The following TBX5 variants were observed in gnomAD, a reference collection of about 807,000 sequenced individuals.
TBX5 encodes T-box transcription factor 5.
Under a neutral mutation model 51.1 loss-of-function variants are expected in TBX5, and 8 were observed. The ratio of observed to expected loss-of-function variants is 0.16; its 90% CI spans 0.09 to 0.28. The LOEUF is 0.28. TBX5 is among the 10% of genes least tolerant of loss of function. TBX5 has a pLI of 1.00. For missense variants in TBX5, 589 were observed against 671.7 expected (o/e 0.88, Z 1.36); for synonymous variants, 302 against 266.4 (o/e 1.13, Z -1.30).
intron 6 of TBX5, among the ~76,000 whole-genome samples, chr12:114,389,831 C>T (rs1318179263): frequency 6.7e-6 from 1 of 150,048 alleles, no homozygotes; most frequent in Non-Finnish European, 1.5e-5. Context: ...CCAGCCTGCC[C>T]CACCGCAGTC....
At chr12:114,404,199 G>A (rs1293087858) in intron 1 of TBX5, among the ~76,000 whole-genome samples, 1 of 152,102 alleles carries the variant, frequency 6.6e-6, no homozygotes, top group Non-Finnish European at 1.5e-5. Context: ...AGAAGGTGAG[G>A]CCCGCATCTC....
upstream of TBX5, chr12:114,408,308 A>G (rs1872356620): frequency 1.3e-6 from 1 of 767,920 alleles, no homozygotes; most frequent in Non-Finnish European, 1.6e-6. Flanking sequence ...AGACACAAAT[A>G]GAGCCAAGAT....
chr12:114,393,952 G>A (rs1871286770), intron 6 of TBX5, among the ~76,000 whole-genome samples: 1 of 152,170 alleles, frequency 6.6e-6, no homozygotes, highest in South Asian at 2.1e-4. Context: ...AACAATTAGG[G>A]AAGCATCAGG....
intron 7 of TBX5, among the ~76,000 whole-genome samples, chr12:114,376,470 G>C (rs1245330618): frequency 2.0e-5 from 3 of 152,118 alleles, no homozygotes; most frequent in Non-Finnish European, 4.4e-5. Context: ...GAGGAGAATG[G>C]TGGTTGCCAG....
At chr12:114,371,588 T>G (rs1018800591) in intron 7 of TBX5, among the ~76,000 whole-genome samples, 15 of 89,678 alleles carry the variant, frequency 1.7e-4, no homozygotes, top group East Asian at 8.4e-4. Flanking sequence ...GATTTTTGTG[T>G]TTTTTTTTTT....
chr12:114,377,415 G>A (rs1870252748), intron 7 of TBX5, among the ~76,000 whole-genome samples: 1 of 152,080 alleles, frequency 6.6e-6, no homozygotes, highest in African/African-American at 2.4e-5. Flanking sequence ...AATTGAGACA[G>A]CATTTTGCTC....
intron 7 of TBX5, among the ~76,000 whole-genome samples, chr12:114,377,642 C>T (rs1053275863): frequency 6.6e-6 from 1 of 150,396 alleles, no homozygotes; most frequent in Non-Finnish European, 1.5e-5. Context: ...TCTCAAACTC[C>T]TGATCTCAAG....
chr12:114,375,661 A>G (rs1486465094), intron 7 of TBX5, among the ~76,000 whole-genome samples: 1 of 152,210 alleles, frequency 6.6e-6, no homozygotes, highest in African/African-American at 2.4e-5. Context: ...GGATGTGGAG[A>G]AAAAGGAATC....
intron 7 of TBX5, among the ~76,000 whole-genome samples, chr12:114,373,615 T>C (rs11067086): frequency 6.6e-6 from 1 of 152,114 alleles, no homozygotes; most frequent in Non-Finnish European, 1.5e-5. Flanking sequence ...CCCACCATCA[T>C]GCCCAGCTAA....
At chr12:114,382,620 G>A (rs1478306152) in intron 7 of TBX5, among the ~76,000 whole-genome samples, 1 of 152,038 alleles carries the variant, frequency 6.6e-6, no homozygotes, top group Non-Finnish European at 1.5e-5. Flanking sequence ...CCAACATGGT[G>A]AACTCCGTCT....
intron 2 of TBX5, among the ~76,000 whole-genome samples, chr12:114,403,264 G>T (rs1871950210): frequency 6.6e-6 from 1 of 152,088 alleles, no homozygotes; most frequent in Non-Finnish European, 1.5e-5. Context: ...AGTCGGCGGC[G>T]CGGAGGAGGC....
chr12:114,365,840 A>AG (rs979733729), intron 8 of TBX5, among the ~76,000 whole-genome samples: 11 of 151,216 alleles, frequency 7.3e-5, no homozygotes, highest in Middle Eastern at 3.4e-3. Context: ...AAAAAAAAAA[A>AG]AAAAAGAAAA....
Position 114,403,899 on chromosome 12 carries a change from G to A in TBX5, c.-1C>T. 1.2e-6 allele frequency: 2 copies of A among 1,611,648 alleles called. No homozygotes were observed. Among genetic ancestry groups the A allele is most frequent in the Non-Finnish European group, 1.7e-6 (2 of 1,179,826 alleles). On this transcript the variant is annotated 5_prime_UTR_variant, in exon 2 of 9. Transcript: ENST00000405440. ...CAAAGCCCTCGTCTGCGTCGGCCATGGTGCGCCCAGGGCCCTGTGCCCGCG... is the reference window on the plus strand; with the variant it reads ...CAAAGCCCTCGTCTGCGTCGGCCATAGTGCGCCCAGGGCCCTGTGCCCGCG...
At chr12:114,381,242 C>T (rs1173239661) in intron 7 of TBX5, among the ~76,000 whole-genome samples, 3 of 152,188 alleles carry the variant, frequency 2.0e-5, no homozygotes, top group Non-Finnish European at 4.4e-5. Context: ...TCTCTGTAAT[C>T]CCACCTCACT....
intron 7 of TBX5, among the ~76,000 whole-genome samples, chr12:114,376,281 A>G (rs74412622): frequency 6.6e-6 from 1 of 152,142 alleles, no homozygotes; most frequent in Admixed American, 6.5e-5. Context: ...ATATACACAC[A>G]CACACACACA....
At chr12:114,363,944 G>T (rs1446849812) in intron 8 of TBX5, among the ~76,000 whole-genome samples, 1 of 152,222 alleles carries the variant, frequency 6.6e-6, no homozygotes, top group Middle Eastern at 3.2e-3. Flanking sequence ...CTGGTCTCCA[G>T]TCCATCCGGC....
At chr12:114,367,581 G>A (rs373991824) in intron 7 of TBX5, among the ~76,000 whole-genome samples, 11 of 151,642 alleles carry the variant, frequency 7.3e-5, no homozygotes, top group African/African-American at 2.2e-4. Flanking sequence ...AAGGAAAGTC[G>A]TGCTGTGCAG....
In TBX5 at chr12:114,405,680, G is replaced by A; in HGVS notation, c.-91C>T. The stretch of plus-strand genomic sequence containing the variant: ...CACATCCTCTGCTGCTCCTAGCAGG[G>A]AAGCCGGCGGTGAGGCGGGGGAGCA... On this transcript the variant is annotated 5_prime_UTR_variant, in exon 1 of 9. Coordinates refer to ENST00000405440, the MANE Select transcript of TBX5 (RefSeq NM_181486.4). 1.0e-6 allele frequency: 1 copy of A among 984,948 alleles called. No individual in the cohort carries two copies. The highest frequency in any genetic ancestry group is 1.2e-6 in the Non-Finnish European group (1 of 829,442). The allele number at this position is 984,948 out of a possible 1,614,324, so 61.0% of individuals were successfully genotyped here.
At chr12:114,391,669 AC>A (rs571839253) in intron 6 of TBX5, among the ~76,000 whole-genome samples, 153 of 152,214 alleles carry the variant, frequency 1.0e-3, no homozygotes, top group African/African-American at 3.2e-3. Flanking sequence ...CTCCACCTTA[AC>A]CCTATGCGAT....
Sources: gnomAD v4.1 joint callset for allele counts (sites outside exome capture counted in the v4.1 genomes callset) on GRCh38, gnomAD v4.1.1 for gene constraint, MANE v1.5 for transcripts, NCBI Gene and HGNC (gene_info 2026-07-23, HGNC 2026-07-21) for gene names.